PCDH15: variants seen among roughly 807,000 people sequenced by gnomAD.
The protein encoded by PCDH15 is protocadherin-15.
In PCDH15, 129 loss-of-function variants were observed where a neutral mutation model predicts 178.5. That is an observed-to-expected ratio of 0.72 (90% CI 0.63 to 0.84). The LOEUF is 0.84. Among genes scored for constraint, PCDH15 ranks in the 40% least tolerant of loss-of-function variants. PCDH15 has a pLI of 0.00. For missense variants in PCDH15, 2,230 were observed against 2,099.9 expected (o/e 1.06, Z -1.21); for synonymous variants, 800 against 732.0 (o/e 1.09, Z -1.50).
intron 2 of PCDH15, among the ~76,000 whole-genome samples, chr10:55,013,068 C>T (rs1437473321): frequency 2.0e-5 from 3 of 152,118 alleles, no homozygotes; most frequent in Non-Finnish European, 4.4e-5. Flanking sequence ...TTATTGCCCC[C>T]AAGCTGAAAC....
At chr10:54,848,264 T>C (rs1953548004) in intron 3 of PCDH15, among the ~76,000 whole-genome samples, 1 of 150,946 alleles carries the variant, frequency 6.6e-6, no homozygotes, top group Non-Finnish European at 1.5e-5. Flanking sequence ...ACGCCTGTAA[T>C]CCCAGCTACT....
chr10:55,612,425 A>G (rs185204400), intron 2 of PCDH15, among the ~76,000 whole-genome samples: 21 of 152,278 alleles, frequency 1.4e-4, no homozygotes, highest in African/African-American at 3.8e-4. Context: ...TGGCACGTCC[A>G]AAAGAATACG....
At chr10:54,202,257 C>T (rs1192733057) in intron 10 of PCDH15, among the ~76,000 whole-genome samples, 1 of 151,548 alleles carries the variant, frequency 6.6e-6, no homozygotes, top group South Asian at 2.1e-4. Context: ...TGAACTATAG[C>T]TTTTAATACC....
intron 17 of PCDH15, among the ~76,000 whole-genome samples, chr10:54,075,843 G>A (rs1345255751): frequency 6.6e-6 from 1 of 152,090 alleles, no homozygotes; most frequent in Non-Finnish European, 1.5e-5. Flanking sequence ...TCTGTTTTGA[G>A]TATTGTAGCT....
At chr10:54,424,589 G>T (rs1201775581) in intron 3 of PCDH15, among the ~76,000 whole-genome samples, 1 of 149,680 alleles carries the variant, frequency 6.7e-6, no homozygotes, top group Non-Finnish European at 1.5e-5. Context: ...ATTCACAATA[G>T]CAAAGACTTG....
At chr10:54,680,460 CT>C (rs1249332938) in intron 1 of PCDH15, among the ~76,000 whole-genome samples, 2 of 150,886 alleles carry the variant, frequency 1.3e-5, no homozygotes, top group East Asian at 1.9e-4. Context: ...GTGGAGCTTT[CT>C]TTTTTTTTAA....
intron 13 of PCDH15, among the ~76,000 whole-genome samples, chr10:54,167,137 C>G (rs894052426): frequency 6.6e-6 from 1 of 152,138 alleles, no homozygotes; most frequent in Non-Finnish European, 1.5e-5. Context: ...AATTTGGTGC[C>G]GTGACTCGGA....
intron 2 of PCDH15, among the ~76,000 whole-genome samples, chr10:54,612,636 A>T (rs2134267988): frequency 6.6e-6 from 1 of 151,866 alleles, no homozygotes; most frequent in South Asian, 2.1e-4. Context: ...TTTATATTCT[A>T]AACTATGTTA....
chr10:54,662,073 A>G (rs967044206), intron 2 of PCDH15, among the ~76,000 whole-genome samples: 39 of 152,148 alleles, frequency 2.6e-4, no homozygotes, highest in Non-Finnish European at 5.2e-4. Flanking sequence ...TAAGCCAAAG[A>G]GTTTCTGCAC....
At chr10:54,791,159 C>T (rs981871939) in intron 1 of PCDH15, among the ~76,000 whole-genome samples, 27 of 151,780 alleles carry the variant, frequency 1.8e-4, no homozygotes, top group African/African-American at 6.3e-4. Flanking sequence ...GTATTTGAAA[C>T]AATTGATCCT....
At chr10:55,332,642 T>C (rs1440106237) in intron 2 of PCDH15, among the ~76,000 whole-genome samples, 1 of 152,138 alleles carries the variant, frequency 6.6e-6, no homozygotes, top group African/African-American at 2.4e-5. Flanking sequence ...AATTCCTATG[T>C]GTTGTGAAAG....
intron 2 of PCDH15, among the ~76,000 whole-genome samples, chr10:54,530,369 T>C (rs1265466578): frequency 6.6e-6 from 1 of 152,162 alleles, no homozygotes; most frequent in East Asian, 1.9e-4. Context: ...ATTAAGTCCT[T>C]ATTCTCTGTA....
At chr10:55,625,040 A>C (rs539291919) in intron 2 of PCDH15, among the ~76,000 whole-genome samples, 1 of 152,266 alleles carries the variant, frequency 6.6e-6, no homozygotes. Flanking sequence ...GGTGAGAATA[A>C]ATTTAAAAAG....
intron 1 of PCDH15, among the ~76,000 whole-genome samples, chr10:54,728,585 A>C (rs4935550): frequency 0.12 from 18,431 of 151,302 alleles, 1,251 homozygotes; most frequent in African/African-American, 0.17. Context: ...GAAGTCCTAA[A>C]CAGAGGCATA....
intron 2 of PCDH15, among the ~76,000 whole-genome samples, chr10:55,155,791 T>C (rs911717059): frequency 2.0e-5 from 3 of 150,896 alleles, no homozygotes; most frequent in African/African-American, 7.4e-5. Context: ...GCACATAGTA[T>C]GTCTATACAA....
At chr10:54,696,560 A>T (rs188743895) in intron 1 of PCDH15, among the ~76,000 whole-genome samples, 19 of 152,136 alleles carry the variant, frequency 1.2e-4, no homozygotes, top group Non-Finnish European at 2.2e-4. Flanking sequence ...GTTAAATGCT[A>T]TCAAACAGCA....
At chr10:55,018,145 T>A (rs1840229185) in intron 2 of PCDH15, among the ~76,000 whole-genome samples, 1 of 152,080 alleles carries the variant, frequency 6.6e-6, no homozygotes, top group Non-Finnish European at 1.5e-5. Context: ...CATTAACCTA[T>A]TGATGTTTAG....
intron 33 of PCDH15, 33 bp downstream of exon 33, chr10:53,820,132 A>C: frequency 5.0e-6 from 2 of 397,020 alleles, no homozygotes; most frequent in Non-Finnish European, 8.9e-6. Context: ...GAAAAGACAC[A>C]CTCACATTAA....
chr10:53,905,507 G>C (rs1589351000), intron 25 of PCDH15, among the ~76,000 whole-genome samples: 1 of 151,672 alleles, frequency 6.6e-6, no homozygotes, highest in African/African-American at 2.4e-5. Context: ...CTAATTTTTT[G>C]TGTTTTTTTA....
Sources: gnomAD v4.1 joint callset for allele counts (sites outside exome capture counted in the v4.1 genomes callset) on GRCh38, gnomAD v4.1.1 for gene constraint, MANE v1.5 for transcripts, NCBI Gene and HGNC (gene_info 2026-07-23, HGNC 2026-07-21) for gene names.